The following CSMD2 variants were observed in gnomAD, a reference collection of about 807,000 sequenced individuals.
The protein encoded by CSMD2 is CUB and sushi domain-containing protein 2.
A neutral mutation model predicts 398.5 loss-of-function variants in CSMD2; 130 were observed. The observed-to-expected ratio is 0.33, with a 90% CI of 0.28 to 0.38. The LOEUF is 0.38. CSMD2 is among the 10% of genes least tolerant of loss of function. The pLI, the probability that CSMD2 is intolerant of heterozygous loss-of-function variation, is 1.00. For synonymous variants in CSMD2, 1,828 were observed against 1,908.5 expected (o/e 0.96, Z 1.10); for missense variants, 3,829 against 4,764.9 (o/e 0.80, Z 5.78).
intron 13 of CSMD2, among the ~76,000 whole-genome samples, chr1:33,764,674 C>T (rs1650259746): frequency 6.6e-6 from 1 of 152,248 alleles, no homozygotes; most frequent in Non-Finnish European, 1.5e-5. Flanking sequence ...CTGGCCTAAT[C>T]ACAAACAGTT....
At chr1:33,759,329 T>TTTC (rs1649497905) in intron 13 of CSMD2, among the ~76,000 whole-genome samples, 2 of 139,732 alleles carry the variant, frequency 1.4e-5, no homozygotes, top group African/African-American at 2.6e-5. Flanking sequence ...TTTTTCTTTT[T>TTTC]TTTTTTTTTT....
chr1:33,747,786 C>T (rs511409), intron 13 of CSMD2, among the ~76,000 whole-genome samples: 11,259 of 152,170 alleles, frequency 0.074, 475 homozygotes, highest in Admixed American at 0.11. Context: ...TAGAAGAGTG[C>T]TGTAATTTAT....
rs956064271 is a variant in CSMD2 at position 33,636,776 on chromosome 1, C to T, written c.4775-222G>A. Among the ~76,000 whole-genome samples, 28 of 151,436 alleles carry T rather than the reference C, an allele frequency of 1.8e-4. No homozygotes were observed. Among genetic ancestry groups the T allele is most frequent in the Admixed American group, 1.8e-3 (28 of 15,258 alleles). ...ATTGAAGAGGGCAATTTCCCCTCCT[C>T]CCCCCATGTTCTTGCCTTGACCCAC... On this transcript the variant is annotated intron_variant, in intron 29 of 70. Coordinates refer to ENST00000373381, the MANE Select transcript of CSMD2 (RefSeq NM_001281956.2). This position sits in a 1 kb window ranked among gnomAD's most constrained non-coding sequence, Gnocchi z 4.8.
chr1:34,053,960 C>G (rs1261690005), intron 2 of CSMD2, among the ~76,000 whole-genome samples: 1 of 152,164 alleles, frequency 6.6e-6, no homozygotes, highest in African/African-American at 2.4e-5. Flanking sequence ...CCCAGCCCAC[C>G]TGAATTTGTA....
chr1:34,100,843 G>A (rs1659869599), intron 1 of CSMD2, among the ~76,000 whole-genome samples: 1 of 152,184 alleles, frequency 6.6e-6, no homozygotes, highest in Admixed American at 6.5e-5. Context: ...TCCACGGCCA[G>A]AGTCCCAGAA....
At chr1:34,010,276 TGTAA>T (rs1023273125) in intron 3 of CSMD2, among the ~76,000 whole-genome samples, 1 of 152,208 alleles carries the variant, frequency 6.6e-6, no homozygotes, top group African/African-American at 2.4e-5. Context: ...ACCCTCTTCC[TGTAA>T]GACTCAGCCA....
chr1:33,936,495 G>A (rs1644484164), intron 3 of CSMD2, among the ~76,000 whole-genome samples: 1 of 152,232 alleles, frequency 6.6e-6, no homozygotes, highest in Non-Finnish European at 1.5e-5. Context: ...AATAGGCAGT[G>A]AAGTGGGAAA....
rs1239479992 is a variant in CSMD2 at position 33,541,219 on chromosome 1, A to G, written c.9368T>C (p.Val3123Ala). 5.0e-6 allele frequency: 8 copies of G among 1,613,950 alleles called. No homozygotes were observed. Among genetic ancestry groups the G allele is most frequent in the African/African-American group, 1.3e-5 (1 of 74,908 alleles). The change falls in exon 59 of 71, where the codon GTC becomes GCC. Residue 3123 changes from valine to alanine, a missense_variant. By Grantham distance (64) the Val-to-Ala change is moderately conservative. Around this residue, in one of 5 missense-constraint regions of CSMD2, gnomAD observed 917 missense variants for 1,199.5 expected, o/e 0.76. Transcript: ENST00000373381. ...ATGTGACTCCATCATATAGCCAGGG[A>G]CACACTGATATGTCACAGTTTTGTT... ...RYNKTVTYQCVPGYMMESHRV... is the reference protein window; with the variant it reads ...RYNKTVTYQCAPGYMMESHRV...
At chr1:33,949,587 C>T (rs901177552) in intron 3 of CSMD2, among the ~76,000 whole-genome samples, 5 of 152,226 alleles carry the variant, frequency 3.3e-5, no homozygotes, top group African/African-American at 4.8e-5. Flanking sequence ...CTCTGATCCT[C>T]GCCTCAGCTG....
chr1:33,764,410 T>A (rs1349067433), intron 13 of CSMD2, among the ~76,000 whole-genome samples: 1 of 151,954 alleles, frequency 6.6e-6, no homozygotes, highest in Admixed American at 6.6e-5. Flanking sequence ...CAAGGCGACG[T>A]CCCCTTCAGA....
At chr1:34,092,186 C>T (rs549026804) in intron 1 of CSMD2, among the ~76,000 whole-genome samples, 1 of 152,196 alleles carries the variant, frequency 6.6e-6, no homozygotes, top group East Asian at 1.9e-4. Flanking sequence ...ATGAAAATGA[C>T]TTTTACAGAG....
chr1:33,608,716 C>T (rs1169885405), intron 41 of CSMD2, among the ~76,000 whole-genome samples: 1 of 152,072 alleles, frequency 6.6e-6, no homozygotes, highest in Non-Finnish European at 1.5e-5. Context: ...CTGAGAATGC[C>T]AAGATTGTCA....
intron 27 of CSMD2, among the ~76,000 whole-genome samples, chr1:33,654,185 C>T (rs1259517504): frequency 6.6e-6 from 1 of 152,172 alleles, no homozygotes; most frequent in Non-Finnish European, 1.5e-5. Context: ...ATCAGAAACA[C>T]TCAAATAGGC....
intron 1 of CSMD2, among the ~76,000 whole-genome samples, chr1:34,101,749 C>G (rs1659965050): frequency 6.6e-6 from 1 of 151,990 alleles, no homozygotes; most frequent in Non-Finnish European, 1.5e-5. Flanking sequence ...ACCTACTTAT[C>G]TATTTTATAT....
At chr1:33,925,638 C>T (rs1183085092) in intron 4 of CSMD2, among the ~76,000 whole-genome samples, 1 of 152,180 alleles carries the variant, frequency 6.6e-6, no homozygotes, top group Non-Finnish European at 1.5e-5. Context: ...TTTGCAGCCT[C>T]TGTCCATTCT....
intron 3 of CSMD2, among the ~76,000 whole-genome samples, chr1:33,970,725 G>A (rs1400972427): frequency 6.6e-6 from 1 of 152,186 alleles, no homozygotes; most frequent in East Asian, 1.9e-4. Context: ...GGGCCCCTAT[G>A]TCCATATGTG....
chr1:33,637,022 G>T (rs377476317), intron 29 of CSMD2, among the ~76,000 whole-genome samples: 14 of 152,190 alleles, frequency 9.2e-5, no homozygotes, highest in African/African-American at 3.4e-4. Flanking sequence ...GGCCTTTTGT[G>T]TTCACCTGAG....
chr1:33,582,965 A>G (rs951694091), intron 47 of CSMD2, among the ~76,000 whole-genome samples: 22 of 152,244 alleles, frequency 1.4e-4, no homozygotes, highest in African/African-American at 1.2e-4. Flanking sequence ...AACAGTATAC[A>G]TTCATGGTTT....
intron 12 of CSMD2, among the ~76,000 whole-genome samples, chr1:33,776,565 G>A (rs1175603510): frequency 2.6e-5 from 4 of 152,118 alleles, no homozygotes; most frequent in African/African-American, 9.7e-5. Context: ...GGGGCCCGCC[G>A]AGGGTGCAGA....
Sources: allele counts gnomAD v4.1 joint callset (sites outside exome capture counted in the v4.1 genomes callset), GRCh38; gene constraint gnomAD v4.1.1; regional missense constraint gnomAD v4.1.1; non-coding constraint Gnocchi (gnomAD v3.1); transcripts MANE v1.5; gene names NCBI Gene and HGNC (gene_info 2026-07-23, HGNC 2026-07-21).